TTC28: variants seen among roughly 807,000 people sequenced by gnomAD.
TTC28 encodes tetratricopeptide repeat domain 28.
A neutral mutation model predicts 198.0 loss-of-function variants in TTC28; 61 were observed. The observed-to-expected ratio is 0.31, with a 90% CI of 0.25 to 0.38. The LOEUF (loss-of-function observed/expected upper bound fraction) is 0.38. Among genes scored for constraint, TTC28 ranks in the 10% least tolerant of loss-of-function variants. The pLI is 1.00. For missense variants in TTC28, 2,678 were observed against 3,164.0 expected (o/e 0.85, Z 3.69); for synonymous variants, 1,171 against 1,297.8 (o/e 0.90, Z 2.10).
At chr22:28,092,732 T>C (rs968480298) in intron 12 of TTC28, among the ~76,000 whole-genome samples, 1 of 152,178 alleles carries the variant, frequency 6.6e-6, no homozygotes, top group African/African-American at 2.4e-5. Context: ...AATTTCAATC[T>C]CAGAGGGCAG....
intron 5 of TTC28, among the ~76,000 whole-genome samples, chr22:28,244,442 C>G (rs781206663): frequency 1.3e-5 from 2 of 152,114 alleles, no homozygotes; most frequent in Non-Finnish European, 2.9e-5. Flanking sequence ...ATTTTCTAAT[C>G]AGAAGGTAGG....
chr22:28,327,952 T>A (rs529837893), intron 2 of TTC28, among the ~76,000 whole-genome samples: 1 of 152,332 alleles, frequency 6.6e-6, no homozygotes, highest in South Asian at 2.1e-4. Flanking sequence ...GTGGCAGGCA[T>A]TGTTCCAGTG....
At chr22:28,404,360 C>T (rs1226512805) in intron 2 of TTC28, among the ~76,000 whole-genome samples, 5 of 152,118 alleles carry the variant, frequency 3.3e-5, no homozygotes, top group Admixed American at 6.5e-5. Flanking sequence ...CCTCATGATC[C>T]GCCCGCCTCG....
intron 12 of TTC28, among the ~76,000 whole-genome samples, chr22:28,033,515 C>A (rs1939214993): frequency 2.0e-5 from 3 of 152,184 alleles, no homozygotes; most frequent in Admixed American, 2.0e-4. Flanking sequence ...CACATTGTAG[C>A]TGCCTTCAAG....
chr22:28,402,557 T>TA (rs1454270139), intron 2 of TTC28, among the ~76,000 whole-genome samples: 1 of 152,224 alleles, frequency 6.6e-6, no homozygotes, highest in African/African-American at 2.4e-5. Context: ...TACTTTTTTT[T>TA]AGGCCTATCT....
chr22:28,466,848 C>G (rs2048028644), intron 2 of TTC28, among the ~76,000 whole-genome samples: 1 of 151,526 alleles, frequency 6.6e-6, no homozygotes, highest in African/African-American at 2.4e-5. Context: ...CACACACACA[C>G]ACACACACCC....
At chr22:28,236,942 C>T (rs1355790575) in intron 5 of TTC28, among the ~76,000 whole-genome samples, 2 of 152,182 alleles carry the variant, frequency 1.3e-5, no homozygotes, top group Non-Finnish European at 2.9e-5. Context: ...GTTAATCTTT[C>T]CTTGCCTGAG....
intron 6 of TTC28, among the ~76,000 whole-genome samples, chr22:28,124,722 C>A (rs975786631): frequency 6.6e-6 from 1 of 152,198 alleles, no homozygotes; most frequent in Non-Finnish European, 1.5e-5. Context: ...TAGGGAGACA[C>A]TATCTATGTC....
At chr22:28,089,399 T>C (rs994578404) in intron 12 of TTC28, among the ~76,000 whole-genome samples, 2 of 150,388 alleles carry the variant, frequency 1.3e-5, no homozygotes, top group African/African-American at 2.5e-5. Context: ...TCATTCTCAG[T>C]AAACTATCGC....
chr22:28,319,579 A>G (rs564972499), intron 2 of TTC28, among the ~76,000 whole-genome samples: 32 of 152,310 alleles, frequency 2.1e-4, no homozygotes, highest in Middle Eastern at 6.8e-3. Context: ...ATGTATGAGG[A>G]CAGGAGTATA....
intron 2 of TTC28, among the ~76,000 whole-genome samples, chr22:28,407,495 C>CAG (rs1166399425): frequency 2.7e-5 from 4 of 150,674 alleles, no homozygotes; most frequent in African/African-American, 9.8e-5. Context: ...CACACACACA[C>CAG]AGTAATGCCT....
At chr22:28,124,330 T>C (rs1942865796) in intron 6 of TTC28, among the ~76,000 whole-genome samples, 1 of 152,198 alleles carries the variant, frequency 6.6e-6, no homozygotes. Context: ...GGTTGGGTGC[T>C]AGCCAAATCC....
At chr22:28,311,715 GCTA>G (rs1432233147) in intron 2 of TTC28, among the ~76,000 whole-genome samples, 3 of 151,668 alleles carry the variant, frequency 2.0e-5, no homozygotes, top group African/African-American at 7.3e-5. Context: ...ATTATTGTAG[GCTA>G]TAGTTATCCT....
At chr22:28,208,299 A>G (rs1358568331) in intron 5 of TTC28, among the ~76,000 whole-genome samples, 2 of 152,086 alleles carry the variant, frequency 1.3e-5, no homozygotes, top group African/African-American at 2.4e-5. Context: ...ATCACACTTC[A>G]CCAGCCCTGG....
chr22:28,112,981 T>TA (rs1942527501), intron 6 of TTC28, among the ~76,000 whole-genome samples: 2 of 152,328 alleles, frequency 1.3e-5, no homozygotes, highest in South Asian at 4.1e-4. Context: ...ATGGGAATAA[T>TA]AATAGCTACT....
chr22:28,662,066 G>A (rs1431657180), intron 1 of TTC28, among the ~76,000 whole-genome samples: 1 of 152,054 alleles, frequency 6.6e-6, no homozygotes, highest in Non-Finnish European at 1.5e-5. Context: ...AATACATAAA[G>A]AAATTACACT....
At position 28,215,202 on chromosome 22, in the gene TTC28, A is replaced by C. The variant is rs551110466; in HGVS notation, c.934-51603T>G. 2.0e-5 allele frequency among the ~76,000 whole-genome samples: 3 copies of C among 152,298 alleles called. No individual in the cohort carries two copies. In the East Asian group the frequency reaches 5.8e-4, roughly 29 times the overall value. On this transcript the variant is annotated intron_variant, in intron 5 of 22. Coordinates refer to ENST00000397906, the MANE Select transcript of TTC28 (RefSeq NM_001145418.2). ...ATGTAAATGACGAGTTAATGGGTGC[A>C]GCACACCAACATGGCACATGTGTAC... is the stretch of plus-strand genomic sequence containing the variant.
At chr22:28,387,895 T>C (rs1036274067) in intron 2 of TTC28, among the ~76,000 whole-genome samples, 3 of 152,232 alleles carry the variant, frequency 2.0e-5, no homozygotes, top group African/African-American at 7.2e-5. Context: ...TTGCTTTTGG[T>C]GTTTTAGACA....
chr22:28,366,494 A>T (rs1365781540), intron 2 of TTC28, among the ~76,000 whole-genome samples: 1 of 152,160 alleles, frequency 6.6e-6, no homozygotes, highest in Non-Finnish European at 1.5e-5. Context: ...AGATAATCAC[A>T]ATAAAAAGTA....
Sources: gnomAD v4.1 joint callset for allele counts (sites outside exome capture counted in the v4.1 genomes callset) on GRCh38, gnomAD v4.1.1 for gene constraint, MANE v1.5 for transcripts, NCBI Gene and HGNC (gene_info 2026-07-23, HGNC 2026-07-21) for gene names.